The following SNTG2 variants were observed in gnomAD, a reference collection of about 807,000 sequenced individuals.
The protein encoded by SNTG2 is gamma-2-syntrophin.
SNTG2 carries 74 observed loss-of-function variants against 70.9 expected under a neutral mutation model. That is an observed-to-expected ratio of 1.04 (90% confidence interval 0.86 to 1.27). The LOEUF is 1.27. Among genes scored for constraint, SNTG2 ranks in the 50% most tolerant of loss-of-function variants. The pLI is 0.00. For synonymous variants in SNTG2, 278 were observed against 273.8 expected (o/e 1.02, Z -0.15); for missense variants, 717 against 690.7 (o/e 1.04, Z -0.43).
At chr2:956,986 A>G (rs1660184030) in intron 1 of SNTG2, among the ~76,000 whole-genome samples, 1 of 152,228 alleles carries the variant, frequency 6.6e-6, no homozygotes, top group African/African-American at 2.4e-5. Context: ...ATCCTGCTCA[A>G]GATTATCCTT....
chr2:1,041,891 G>T (rs770128444), intron 1 of SNTG2, among the ~76,000 whole-genome samples: 1 of 152,204 alleles, frequency 6.6e-6, no homozygotes, highest in Non-Finnish European at 1.5e-5. Flanking sequence ...TGATGGGGCT[G>T]ATTTGGGGTC....
chr2:1,266,569 C>T (rs1447226548), intron 13 of SNTG2, among the ~76,000 whole-genome samples: 2 of 152,022 alleles, frequency 1.3e-5, no homozygotes, highest in East Asian at 1.9e-4. Context: ...GCTTCAGAGG[C>T]GTTTTGGGCA....
intron 6 of SNTG2, among the ~76,000 whole-genome samples, chr2:1,158,012 G>T (rs4246567): frequency 6.6e-6 from 1 of 152,208 alleles, no homozygotes. Flanking sequence ...TTTGGTACGG[G>T]GCATCCTGTA....
At chr2:1,089,422 G>A (rs539898775) in intron 2 of SNTG2, among the ~76,000 whole-genome samples, 5 of 152,256 alleles carry the variant, frequency 3.3e-5, no homozygotes, top group African/African-American at 1.2e-4. Context: ...GGATCACAAG[G>A]TTAGGAGTTT....
chr2:984,637 G>A (rs961688518), intron 1 of SNTG2, among the ~76,000 whole-genome samples: 16 of 152,156 alleles, frequency 1.1e-4, no homozygotes, highest in African/African-American at 2.2e-4. Context: ...TGGCCCTGCC[G>A]TCCTGAAATT....
intron 4 of SNTG2, among the ~76,000 whole-genome samples, chr2:1,102,920 C>G (rs185003095): frequency 1.3e-5 from 2 of 152,212 alleles, no homozygotes; most frequent in Non-Finnish European, 2.9e-5. Flanking sequence ...CGAAGTGGCT[C>G]GTGAGCCTCT....
chr2:1,036,030 T>C (rs1406982718), intron 1 of SNTG2, among the ~76,000 whole-genome samples: 1 of 152,218 alleles, frequency 6.6e-6, no homozygotes, highest in African/African-American at 2.4e-5. Flanking sequence ...GTAGTGATGA[T>C]AGTGGAAATA....
At chr2:1,299,303 C>G (rs1326556911) in intron 14 of SNTG2, among the ~76,000 whole-genome samples, 5 of 152,186 alleles carry the variant, frequency 3.3e-5, no homozygotes, top group Non-Finnish European at 7.4e-5. Context: ...CTTAAAACAA[C>G]AGAAATTTAT....
intron 9 of SNTG2, among the ~76,000 whole-genome samples, chr2:1,226,524 G>A (rs549664335): frequency 7.3e-4 from 111 of 152,170 alleles, no homozygotes; most frequent in Non-Finnish European, 9.6e-4. Context: ...CTAAATGGAG[G>A]TGCAAGGCCT....
intron 6 of SNTG2, among the ~76,000 whole-genome samples, chr2:1,155,133 AAC>A (rs1161446260): frequency 5.2e-5 from 7 of 133,568 alleles, no homozygotes; most frequent in African/African-American, 1.9e-4. Flanking sequence ...ATACAACACA[AAC>A]ACACAGACAC....
At chr2:1,276,059 A>G (rs1382950902) in intron 14 of SNTG2, among the ~76,000 whole-genome samples, 2 of 152,268 alleles carry the variant, frequency 1.3e-5, no homozygotes, top group Admixed American at 6.5e-5. Flanking sequence ...TGCAGAAGAA[A>G]AACTGGAAGC....
At chr2:1,231,324 C>A (rs557835981) in intron 9 of SNTG2, among the ~76,000 whole-genome samples, 4 of 152,094 alleles carry the variant, frequency 2.6e-5, no homozygotes, top group East Asian at 1.9e-4. Flanking sequence ...TCCATAGGGT[C>A]ACTGCGGGGG....
At chr2:967,843 A>G (rs925592364) in intron 1 of SNTG2, among the ~76,000 whole-genome samples, 1 of 152,216 alleles carries the variant, frequency 6.6e-6, no homozygotes, top group East Asian at 1.9e-4. Flanking sequence ...AGCCTGGCCA[A>G]CATGGTGAAA....
intron 9 of SNTG2, among the ~76,000 whole-genome samples, chr2:1,228,211 TG>T (rs1480822180): frequency 6.6e-6 from 1 of 152,266 alleles, no homozygotes; most frequent in Non-Finnish European, 1.5e-5. Context: ...GGGGCCCTCG[TG>T]GTCATGGACT....
intron 1 of SNTG2, among the ~76,000 whole-genome samples, chr2:990,481 G>A (rs1661454050): frequency 6.6e-6 from 1 of 152,138 alleles, no homozygotes; most frequent in Admixed American, 6.5e-5. Flanking sequence ...TCTCGTGGTG[G>A]GGGAGCTCTC....
At chr2:1,152,999 C>G (rs1048928850) in intron 6 of SNTG2, among the ~76,000 whole-genome samples, 4 of 152,056 alleles carry the variant, frequency 2.6e-5, no homozygotes, top group Non-Finnish European at 5.9e-5. Context: ...TGGCGGGCGC[C>G]TGTGATTCTA....
At chr2:1,104,362 C>CT (rs1283253163) in intron 4 of SNTG2, among the ~76,000 whole-genome samples, 3 of 152,180 alleles carry the variant, frequency 2.0e-5, no homozygotes, top group Non-Finnish European at 4.4e-5. Flanking sequence ...AAAGCAGTGT[C>CT]TTTTCAGACG....
intron 16 of SNTG2, among the ~76,000 whole-genome samples, chr2:1,328,832 CACACAT>C (rs532625672): frequency 1.1e-3 from 168 of 152,064 alleles, no homozygotes; most frequent in East Asian, 7.9e-3. Flanking sequence ...CGCACATATA[CACACAT>C]ACACATACAC....
At chr2:1,032,730 A>G (rs961921274) in intron 1 of SNTG2, among the ~76,000 whole-genome samples, 3 of 151,426 alleles carry the variant, frequency 2.0e-5, no homozygotes, top group Non-Finnish European at 4.4e-5. Flanking sequence ...GTTACTTTGT[A>G]TCTACCTCAT....
Sources: gnomAD v4.1 joint callset for allele counts (sites outside exome capture counted in the v4.1 genomes callset) on GRCh38, gnomAD v4.1.1 for gene constraint, MANE v1.5 for transcripts, NCBI Gene and HGNC (gene_info 2026-07-23, HGNC 2026-07-21) for gene names.